The following GABRB2 variants were observed in gnomAD, a reference collection of about 807,000 sequenced individuals.
GABRB2 encodes the protein gamma-aminobutyric acid receptor subunit beta-2.
A neutral mutation model predicts 54.7 loss-of-function variants in GABRB2; 16 were observed. The observed-to-expected ratio is 0.29, with a 90% CI of 0.20 to 0.44. The LOEUF (loss-of-function observed/expected upper bound fraction) is 0.44, where lower values mean the gene tolerates loss of function less well. Among genes scored for constraint, GABRB2 ranks in the 20% least tolerant of loss-of-function variants. The pLI is 1.00. For missense variants in GABRB2, 355 were observed against 644.0 expected (o/e 0.55, Z 4.86); for synonymous variants, 244 against 233.8 (o/e 1.04, Z -0.40).
chr5:161,458,462 C>T (rs979316845), intron 4 of GABRB2, among the ~76,000 whole-genome samples: 4 of 152,024 alleles, frequency 2.6e-5, no homozygotes, highest in Non-Finnish European at 5.9e-5. Context: ...GCCTTTTTCT[C>T]GACAAATGTC....
intron 5 of GABRB2, among the ~76,000 whole-genome samples, chr5:161,363,383 T>TG (rs1383875899): frequency 6.6e-6 from 1 of 151,986 alleles, no homozygotes; most frequent in African/African-American, 2.4e-5. Context: ...TGTTCGGGGC[T>TG]GGGGGGCTGA....
intron 5 of GABRB2, among the ~76,000 whole-genome samples, chr5:161,347,558 C>T (rs1754354069): frequency 6.6e-6 from 1 of 152,018 alleles, no homozygotes; most frequent in African/African-American, 2.4e-5. Flanking sequence ...TAAACTTATG[C>T]TGCAAACAGG....
intron 3 of GABRB2, among the ~76,000 whole-genome samples, chr5:161,531,835 G>A (rs1392314900): frequency 6.6e-6 from 1 of 151,664 alleles, no homozygotes; most frequent in Admixed American, 6.6e-5. Context: ...TTTCAGATAT[G>A]TTTGATAACA....
intron 3 of GABRB2, among the ~76,000 whole-genome samples, chr5:161,523,640 C>T (rs957650947): frequency 1.8e-4 from 27 of 151,598 alleles, no homozygotes; most frequent in African/African-American, 6.3e-4. Flanking sequence ...CAGTTTTTAA[C>T]CCTAGCCATA....
At chr5:161,364,327 A>G (rs1754913236) in intron 5 of GABRB2, among the ~76,000 whole-genome samples, 2 of 152,170 alleles carry the variant, frequency 1.3e-5, no homozygotes, top group African/African-American at 4.8e-5. Context: ...TCATCTAGAC[A>G]TTGTGATAGC....
At chr5:161,307,686 G>T (rs1233633838) in intron 9 of GABRB2, among the ~76,000 whole-genome samples, 1 of 152,018 alleles carries the variant, frequency 6.6e-6, no homozygotes, top group Non-Finnish European at 1.5e-5. Context: ...TTTTTGGTGA[G>T]ATAAGATAGT....
At chr5:161,364,205 CA>C (rs1180594890) in intron 5 of GABRB2, among the ~76,000 whole-genome samples, 4 of 152,050 alleles carry the variant, frequency 2.6e-5, no homozygotes, top group Non-Finnish European at 5.9e-5. Context: ...CACACACACA[CA>C]TATAAATCTA....
chr5:161,466,191 A>G (rs1174927173), intron 3 of GABRB2, among the ~76,000 whole-genome samples: 1 of 152,066 alleles, frequency 6.6e-6, no homozygotes, highest in Non-Finnish European at 1.5e-5. Flanking sequence ...GCAATATTGT[A>G]TCCATCATAT....
intron 3 of GABRB2, among the ~76,000 whole-genome samples, 188 bp downstream of exon 3, chr5:161,545,039 T>C (rs1239683552): frequency 2.6e-5 from 4 of 151,678 alleles, no homozygotes; most frequent in Admixed American, 1.3e-4. Context: ...GTTGAAAAAA[T>C]CCTTAGGGAC....
At chr5:161,441,566 T>C (rs934168704) in intron 4 of GABRB2, among the ~76,000 whole-genome samples, 4 of 152,068 alleles carry the variant, frequency 2.6e-5, no homozygotes, top group African/African-American at 9.7e-5. Context: ...AAAAACTAAA[T>C]ATAAAACTAC....
chr5:161,540,955 T>A (rs1760792238), intron 3 of GABRB2, among the ~76,000 whole-genome samples: 1 of 152,118 alleles, frequency 6.6e-6, no homozygotes, highest in Non-Finnish European at 1.5e-5. Context: ...CGAGTGATCC[T>A]CCACCTCAGC....
chr5:161,479,159 T>C (rs1758679587), intron 3 of GABRB2, among the ~76,000 whole-genome samples: 1 of 152,050 alleles, frequency 6.6e-6, no homozygotes, highest in Admixed American at 6.6e-5. Context: ...ATGACTACTT[T>C]TAGATGCAAA....
chr5:161,353,564 C>A (rs1305179296), intron 5 of GABRB2, among the ~76,000 whole-genome samples: 2 of 152,002 alleles, frequency 1.3e-5, no homozygotes, highest in African/African-American at 2.4e-5. Context: ...GGTGTGCAAG[C>A]TGTTACTGGC....
intron 4 of GABRB2, among the ~76,000 whole-genome samples, chr5:161,429,418 T>C (rs542268458): frequency 2.1e-4 from 31 of 148,780 alleles, no homozygotes; most frequent in Non-Finnish European, 7.4e-5. Context: ...GAGGCAGCCA[T>C]TGCAGAGAAA....
At chr5:161,449,720 A>G (rs1372346357) in intron 4 of GABRB2, among the ~76,000 whole-genome samples, 4 of 152,160 alleles carry the variant, frequency 2.6e-5, no homozygotes, top group Admixed American at 6.6e-5. Context: ...ACAAATATAT[A>G]CAAACATATC....
intron 9 of GABRB2, among the ~76,000 whole-genome samples, chr5:161,296,257 A>T (rs993796518): frequency 1.3e-5 from 2 of 152,210 alleles, no homozygotes; most frequent in Non-Finnish European, 2.9e-5. Flanking sequence ...TTATTTCAAC[A>T]GCATGGTTGT....
chr5:161,342,893 A>G (rs556002538), intron 5 of GABRB2, among the ~76,000 whole-genome samples: 1 of 152,256 alleles, frequency 6.6e-6, no homozygotes, highest in South Asian at 2.1e-4. Flanking sequence ...GGGAAGCAGC[A>G]TGATTGAATG....
chr5:161,510,539 C>G (rs1759736720), intron 3 of GABRB2, among the ~76,000 whole-genome samples: 2 of 151,778 alleles, frequency 1.3e-5, no homozygotes, highest in African/African-American at 4.8e-5. Context: ...TCTCAGTAAC[C>G]ATATTTAAAA....
intron 4 of GABRB2, among the ~76,000 whole-genome samples, chr5:161,425,496 T>C (rs2113157752): frequency 6.6e-6 from 1 of 152,224 alleles, no homozygotes; most frequent in Middle Eastern, 3.4e-3. Context: ...AGTACATTTT[T>C]AGCAATGAAG....
Sources: allele counts gnomAD v4.1 joint callset (sites outside exome capture counted in the v4.1 genomes callset), GRCh38; gene constraint gnomAD v4.1.1; transcripts MANE v1.5; gene names NCBI Gene and HGNC (gene_info 2026-07-23, HGNC 2026-07-21).